SRPK2: variants seen among roughly 807,000 people sequenced by gnomAD.
The protein encoded by SRPK2 is SRSF protein kinase 2.
Under a neutral mutation model 90.8 loss-of-function variants are expected in SRPK2, and 21 were observed. The ratio of observed to expected loss-of-function variants is 0.23; its 90% CI spans 0.16 to 0.33. The LOEUF (loss-of-function observed/expected upper bound fraction) is 0.33, where lower values mean the gene tolerates loss of function less well. SRPK2 is among the 10% of genes least tolerant of loss of function. The pLI, the probability that SRPK2 is intolerant of heterozygous loss-of-function variation, is 1.00. For missense variants in SRPK2, 620 were observed against 869.0 expected (o/e 0.71, Z 3.60); for synonymous variants, 288 against 311.1 (o/e 0.93, Z 0.78).
intron 2 of SRPK2, among the ~76,000 whole-genome samples, chr7:105,247,531 AACACACACACACAC>A (rs59040708): frequency 4.7e-4 from 69 of 145,266 alleles, no homozygotes; most frequent in South Asian, 1.1e-3. Context: ...CACACACATA[AACACACACACACAC>A]ACACACACAC....
intron 7 of SRPK2, among the ~76,000 whole-genome samples, chr7:105,156,383 C>T (rs1050707013): frequency 6.6e-6 from 1 of 152,182 alleles, no homozygotes; most frequent in African/African-American, 2.4e-5. Flanking sequence ...CTCAACTATG[C>T]AAAGTACTCA....
At chr7:105,169,293 A>G in intron 3 of SRPK2, 28 bp from the exon 4 acceptor site, 1 of 1,550,788 alleles carries the variant, frequency 6.4e-7, no homozygotes, top group Middle Eastern at 1.7e-4. Context: ...AAAGAAAAAA[A>G]TTCAAAATAT....
chr7:105,150,433 G>GC (rs774167032), intron 7 of SRPK2, among the ~76,000 whole-genome samples: 2 of 152,212 alleles, frequency 1.3e-5, no homozygotes, highest in African/African-American at 2.4e-5. Flanking sequence ...TACTCAAGAG[G>GC]CTGAGGCACA....
At chr7:105,158,675 C>T (rs952873463) in intron 7 of SRPK2, among the ~76,000 whole-genome samples, 2 of 152,266 alleles carry the variant, frequency 1.3e-5, no homozygotes, top group East Asian at 3.9e-4. Context: ...GAAATACATG[C>T]AGGCAGCTAT....
intron 2 of SRPK2, among the ~76,000 whole-genome samples, chr7:105,358,661 G>C (rs1341997872): frequency 1.3e-5 from 2 of 152,016 alleles, no homozygotes; most frequent in African/African-American, 2.4e-5. Flanking sequence ...ACTCTAGCCT[G>C]GGCAACAGAA....
At chr7:105,368,535 T>C (rs565826346) in intron 2 of SRPK2, among the ~76,000 whole-genome samples, 100 of 152,232 alleles carry the variant, frequency 6.6e-4, no homozygotes, top group African/African-American at 2.4e-3. Context: ...CATCCAGGGC[T>C]CTAATCCAGC....
intron 3 of SRPK2, among the ~76,000 whole-genome samples, chr7:105,174,906 G>A (rs939419272): frequency 5.9e-5 from 9 of 152,166 alleles, no homozygotes; most frequent in Non-Finnish European, 1.3e-4. Flanking sequence ...CAATTTGGGA[G>A]GCCGAGGCAG....
At chr7:105,376,181 T>C (rs1820273903) in intron 2 of SRPK2, among the ~76,000 whole-genome samples, 1 of 151,694 alleles carries the variant, frequency 6.6e-6, no homozygotes, top group South Asian at 2.1e-4. Flanking sequence ...TTTTGTTTAG[T>C]AGAGACAGGG....
At chr7:105,305,394 C>T (rs1030799756) in intron 2 of SRPK2, among the ~76,000 whole-genome samples, 3 of 145,254 alleles carry the variant, frequency 2.1e-5, no homozygotes, top group African/African-American at 7.5e-5. Flanking sequence ...TGCAGTGAGC[C>T]GAGACTGTGC....
intron 2 of SRPK2, among the ~76,000 whole-genome samples, chr7:105,204,394 T>G (rs183864487): frequency 2.3e-4 from 35 of 151,746 alleles, no homozygotes; most frequent in Non-Finnish European, 1.5e-4. Context: ...CTGGAAGCGG[T>G]GTGTGTGTGT....
intron 3 of SRPK2, among the ~76,000 whole-genome samples, chr7:105,191,386 CAT>C (rs1794260127): frequency 6.6e-6 from 1 of 152,096 alleles, no homozygotes; most frequent in Non-Finnish European, 1.5e-5. Context: ...GCCTGGGTAA[CAT>C]AGTGAATCCT....
rs1252431023 is a variant in SRPK2, at chr7:105,127,067, G to A, written c.1753-5C>T. 1 of 1,614,106 alleles carries A rather than the reference G, an allele frequency of 6.2e-7. No homozygotes were observed. Among genetic ancestry groups the A allele is most frequent in the South Asian group, 1.1e-5 (1 of 91,080 alleles). ...TCCCGTTGCCAGCTCAAATGCCTAG[G>A]ATACAACAGACGACATGCTAAGCAC... On this transcript the variant is annotated splice_region_variant and splice_polypyrimidine_tract_variant and intron_variant, in intron 13 of 15. Transcript: ENST00000393651.
chr7:105,337,190 C>A (rs1457764376), intron 2 of SRPK2, among the ~76,000 whole-genome samples: 1 of 152,120 alleles, frequency 6.6e-6, no homozygotes, highest in Non-Finnish European at 1.5e-5. Flanking sequence ...TTGCTGTGGG[C>A]TGAATTGTGT....
At chr7:105,121,880 G>A (rs1800433859) in intron 15 of SRPK2, among the ~76,000 whole-genome samples, 2 of 152,168 alleles carry the variant, frequency 1.3e-5, no homozygotes, top group African/African-American at 2.4e-5. Flanking sequence ...AAATAAAGAA[G>A]CCCATGAGGT....
intron 2 of SRPK2, among the ~76,000 whole-genome samples, chr7:105,385,171 ATTTTTTTTT>A (rs767913304): frequency 1.2e-4 from 6 of 49,674 alleles, no homozygotes; most frequent in South Asian, 7.5e-4. Flanking sequence ...CGCGCCCGGC[ATTTTTTTTT>A]TTTTTTTTTT....
At chr7:105,236,838 C>T (rs910461026) in intron 2 of SRPK2, among the ~76,000 whole-genome samples, 2 of 152,102 alleles carry the variant, frequency 1.3e-5, no homozygotes, top group African/African-American at 4.8e-5. Flanking sequence ...CATTAAAAAA[C>T]TAAATAAATG....
intron 2 of SRPK2, chr7:105,306,546 C>T: frequency 2.3e-6 from 1 of 444,158 alleles, no homozygotes; most frequent in South Asian, 1.6e-5. Context: ...AGTCTTCTAC[C>T]CTTGAAGCAG....
At chr7:105,341,675 T>TA (rs912079801) in intron 2 of SRPK2, among the ~76,000 whole-genome samples, 6 of 151,064 alleles carry the variant, frequency 4.0e-5, no homozygotes, top group African/African-American at 1.2e-4. Flanking sequence ...GTCTCAAAAA[T>TA]AAAAAAACAG....
At chr7:105,244,717 C>T in intron 2 of SRPK2, 2 of 1,158,706 alleles carry the variant, frequency 1.7e-6, no homozygotes, top group Non-Finnish European at 2.5e-6. Flanking sequence ...AGAACGTGAG[C>T]GAGCCCAGGC....
Sources: gnomAD v4.1 joint callset for allele counts (sites outside exome capture counted in the v4.1 genomes callset) on GRCh38, gnomAD v4.1.1 for gene constraint, MANE v1.5 for transcripts, NCBI Gene and HGNC (gene_info 2026-07-23, HGNC 2026-07-21) for gene names.